Variants in CTNND2 observed in about 807,000 individuals in gnomAD.
CTNND2 encodes catenin delta 2, also known as catenin delta-2.
Under a neutral mutation model 144.4 loss-of-function variants are expected in CTNND2, and 22 were observed. The observed-to-expected ratio is 0.15, with a 90% CI of 0.11 to 0.22. CTNND2 has a LOEUF of 0.22. Among genes scored for constraint, CTNND2 ranks in the 10% least tolerant of loss-of-function variants. CTNND2 has a pLI of 1.00. For missense variants in CTNND2, 1,353 were observed against 1,618.8 expected (o/e 0.84, Z 2.82); for synonymous variants, 751 against 695.6 (o/e 1.08, Z -1.25).
intron 1 of CTNND2, among the ~76,000 whole-genome samples, chr5:11,827,855 T>C (rs372886364): frequency 9.2e-5 from 14 of 152,284 alleles, no homozygotes; most frequent in African/African-American, 3.4e-4. Context: ...TAAAAGAAAT[T>C]ATACCAATTG....
chr5:11,895,449 TTAG>T (rs745352526), intron 1 of CTNND2, among the ~76,000 whole-genome samples: 1 of 152,206 alleles, frequency 6.6e-6, no homozygotes, highest in South Asian at 2.1e-4. Context: ...GTTATGACAC[TTAG>T]TAGTAAAATA....
intron 1 of CTNND2, among the ~76,000 whole-genome samples, chr5:11,790,484 T>C (rs1415506722): frequency 2.0e-5 from 3 of 152,160 alleles, no homozygotes; most frequent in Non-Finnish European, 4.4e-5. Flanking sequence ...CTTTGTAAAA[T>C]GAACATAATT....
intron 11 of CTNND2, among the ~76,000 whole-genome samples, chr5:11,197,360 AT>A (rs1736965069): frequency 6.6e-6 from 1 of 152,256 alleles, no homozygotes; most frequent in Admixed American, 6.5e-5. Context: ...GGATGTGGCT[AT>A]CACGGCAAAA....
intron 2 of CTNND2, among the ~76,000 whole-genome samples, chr5:11,596,417 G>A (rs941526983): frequency 6.6e-6 from 1 of 152,080 alleles, no homozygotes; most frequent in Non-Finnish European, 1.5e-5. Context: ...CCTTGGCTGA[G>A]GCACCTAAGG....
At chr5:11,618,201 C>T (rs1444879487) in intron 2 of CTNND2, among the ~76,000 whole-genome samples, 3 of 152,028 alleles carry the variant, frequency 2.0e-5, no homozygotes, top group African/African-American at 7.2e-5. Flanking sequence ...TACTGACCCA[C>T]AATCCCCTAC....
chr5:11,797,996 G>A (rs761942243), intron 1 of CTNND2, among the ~76,000 whole-genome samples: 6 of 152,204 alleles, frequency 3.9e-5, no homozygotes, highest in Middle Eastern at 3.4e-3. Flanking sequence ...GGTGGCTCAC[G>A]CCTGTAATCC....
intron 2 of CTNND2, among the ~76,000 whole-genome samples, chr5:11,687,180 T>G (rs770981591): frequency 5.9e-5 from 9 of 152,362 alleles, no homozygotes; most frequent in Admixed American, 2.6e-4. Flanking sequence ...TTATTCTTCA[T>G]GCGATTTCCG....
intron 2 of CTNND2, among the ~76,000 whole-genome samples, chr5:11,586,196 G>A (rs1340969075): frequency 6.6e-6 from 1 of 151,992 alleles, no homozygotes; most frequent in Non-Finnish European, 1.5e-5. Context: ...ACATGGGGAG[G>A]ACCTAATAAA....
chr5:11,385,409 G>C (rs1758984905), intron 6 of CTNND2, among the ~76,000 whole-genome samples, 180 bp from the exon 7 acceptor site: 1 of 152,142 alleles, frequency 6.6e-6, no homozygotes, highest in South Asian at 2.1e-4. Flanking sequence ...CTCCTGGGGC[G>C]GATTTCTTGT....
At chr5:11,859,118 C>A (rs1043280376) in intron 1 of CTNND2, among the ~76,000 whole-genome samples, 1 of 152,196 alleles carries the variant, frequency 6.6e-6, no homozygotes, top group African/African-American at 2.4e-5. Flanking sequence ...CAGACACACA[C>A]TGAACCACTG....
intron 2 of CTNND2, among the ~76,000 whole-genome samples, chr5:11,633,532 C>T (rs185395302): frequency 1.3e-5 from 2 of 152,252 alleles, no homozygotes; most frequent in Admixed American, 1.3e-4. Flanking sequence ...AATCCCTGCA[C>T]TTTGGGAGGC....
intron 1 of CTNND2, among the ~76,000 whole-genome samples, chr5:11,897,318 G>T (rs1220118411): frequency 6.6e-6 from 1 of 152,172 alleles, no homozygotes; most frequent in Non-Finnish European, 1.5e-5. Flanking sequence ...TTTAAAAAGT[G>T]AGCATTTTTA....
At chr5:11,382,631 G>A (rs1758628776) in intron 7 of CTNND2, among the ~76,000 whole-genome samples, 1 of 151,012 alleles carries the variant, frequency 6.6e-6, no homozygotes, top group Non-Finnish European at 1.5e-5. Flanking sequence ...GTGTGTGTGT[G>A]TGTGTGTGTG....
chr5:11,789,276 T>G (rs1791010905), intron 1 of CTNND2, among the ~76,000 whole-genome samples: 1 of 152,162 alleles, frequency 6.6e-6, no homozygotes, highest in Non-Finnish European at 1.5e-5. Flanking sequence ...CTGAATCAAT[T>G]TTTTGCCACT....
At chr5:11,729,452 A>G (rs1462459625) in intron 2 of CTNND2, among the ~76,000 whole-genome samples, 1 of 152,210 alleles carries the variant, frequency 6.6e-6, no homozygotes, top group Non-Finnish European at 1.5e-5. Flanking sequence ...TGAGTTTTTA[A>G]AAACAGGATA....
intron 1 of CTNND2, among the ~76,000 whole-genome samples, chr5:11,803,611 C>A (rs544105848): frequency 6.6e-6 from 1 of 152,214 alleles, no homozygotes; most frequent in South Asian, 2.1e-4. Flanking sequence ...GGAAGTGAAC[C>A]CTCTGCCTGT....
chr5:11,588,784 A>G (rs1212529231), intron 2 of CTNND2: 2 of 985,182 alleles, frequency 2.0e-6, no homozygotes, highest in East Asian at 2.3e-4. Context: ...TGAAAACTGT[A>G]GTCTAGGCAA....
intron 3 of CTNND2, among the ~76,000 whole-genome samples, chr5:11,519,507 G>GTT (rs33945163): frequency 1.4e-5 from 2 of 140,882 alleles, no homozygotes; most frequent in Non-Finnish European, 3.1e-5. Flanking sequence ...TCTTTTGTGG[G>GTT]TTTTTTTTTT....
intron 20 of CTNND2, among the ~76,000 whole-genome samples, chr5:10,983,422 A>G (rs2149488726): frequency 1.3e-5 from 2 of 152,316 alleles, no homozygotes; most frequent in Middle Eastern, 6.8e-3. Flanking sequence ...CACTCTACCT[A>G]TAGGCCACAA....
Sources: gnomAD v4.1 joint callset for allele counts (sites outside exome capture counted in the v4.1 genomes callset) on GRCh38, gnomAD v4.1.1 for gene constraint, MANE v1.5 for transcripts, NCBI Gene and HGNC (gene_info 2026-07-23, HGNC 2026-07-21) for gene names.